The following RAPGEF5 variants were observed in gnomAD, a reference collection of about 807,000 sequenced individuals.
RAPGEF5 encodes Rap guanine nucleotide exchange factor 5.
In RAPGEF5, 65 loss-of-function variants were observed where a neutral mutation model predicts 125.2. The ratio of observed to expected loss-of-function variants is 0.52; its 90% CI spans 0.43 to 0.64. The LOEUF is 0.64. Among genes scored for constraint, RAPGEF5 ranks in the 30% least tolerant of loss-of-function variants. RAPGEF5 has a pLI of 0.00. For synonymous variants in RAPGEF5, 391 were observed against 385.9 expected (o/e 1.01, Z -0.16); for missense variants, 958 against 1,048.1 (o/e 0.91, Z 1.19).
intron 1 of RAPGEF5, among the ~76,000 whole-genome samples, chr7:22,346,132 G>A (rs897291266): frequency 1.3e-5 from 2 of 152,152 alleles, no homozygotes; most frequent in Non-Finnish European, 2.9e-5. Flanking sequence ...ACCTTGGCCA[G>A]ACAAGGAACA....
At chr7:22,145,827 G>A (rs1013760668) in intron 19 of RAPGEF5, among the ~76,000 whole-genome samples, 3 of 152,038 alleles carry the variant, frequency 2.0e-5, no homozygotes, top group African/African-American at 4.8e-5. Context: ...ATAAAACATT[G>A]TCAAACCATA....
chr7:22,147,977 A>T (rs535557961), intron 18 of RAPGEF5, among the ~76,000 whole-genome samples: 1 of 152,090 alleles, frequency 6.6e-6, no homozygotes, highest in Non-Finnish European at 1.5e-5. Flanking sequence ...TTTTTTTTAA[A>T]AAACCTAATG....
At chr7:22,258,619 C>T (rs797005714) in intron 7 of RAPGEF5, among the ~76,000 whole-genome samples, 4 of 112,456 alleles carry the variant, frequency 3.6e-5, no homozygotes, top group African/African-American at 1.5e-4. Context: ...AGCGAAACTC[C>T]GTCTCAAAAA....
intron 7 of RAPGEF5, among the ~76,000 whole-genome samples, chr7:22,242,866 G>C (rs1188325274): frequency 6.8e-6 from 1 of 147,708 alleles, no homozygotes; most frequent in Non-Finnish European, 1.5e-5. Flanking sequence ...AGAATCACTT[G>C]AATCCAGGAG....
rs139171381 is a variant in RAPGEF5 at position 22,122,072 on chromosome 7, C to A, written c.*334G>T. On this transcript the variant is annotated 3_prime_UTR_variant, in exon 26 of 26. Transcript: ENST00000665637. Reference sequence around the variant, plus strand: ...AATGAAATATTTGGTCATTGCATGTCAAGACGTTGTCTTGTCTTGATGCTG... The same window carrying A: ...AATGAAATATTTGGTCATTGCATGTAAAGACGTTGTCTTGTCTTGATGCTG... The A allele has an allele frequency of 7.3e-4, 176 of 241,690 alleles. No individual in the cohort carries two copies. The East Asian group carries it at 0.013, about 18-fold the overall frequency. The allele number at this position is 241,690 out of a possible 1,614,324, so 15.0% of individuals were successfully genotyped here.
intron 1 of RAPGEF5, among the ~76,000 whole-genome samples, chr7:22,328,374 C>G (rs1476805173): frequency 1.3e-5 from 2 of 152,242 alleles, no homozygotes; most frequent in Admixed American, 6.5e-5. Flanking sequence ...AAGAGCTAAA[C>G]TGGAACTATT....
chr7:22,129,426 GTGT>G, intron 24 of RAPGEF5, among the ~76,000 whole-genome samples: 1 of 152,258 alleles, frequency 6.6e-6, no homozygotes, highest in South Asian at 2.1e-4. Flanking sequence ...CAAATCTCAT[GTGT>G]TGTTCTTAGG....
chr7:22,144,900 T>A, intron 20 of RAPGEF5, 144 bp downstream of exon 20: 1 of 914,824 alleles, frequency 1.1e-6, no homozygotes, highest in African/African-American at 1.7e-5. Flanking sequence ...TATTCAAAAT[T>A]GGACATTTTC....
intron 9 of RAPGEF5, among the ~76,000 whole-genome samples, chr7:22,206,688 G>GA (rs1202149831): frequency 0.039 from 2,456 of 62,572 alleles, 48 homozygotes; most frequent in African/African-American, 0.12. Context: ...CATGTCACAA[G>GA]AAAAAAAAAA....
chr7:22,197,406 A>C (rs866607996), intron 9 of RAPGEF5, among the ~76,000 whole-genome samples: 4 of 152,238 alleles, frequency 2.6e-5, no homozygotes, highest in Admixed American at 6.5e-5. Context: ...AAGTAACACG[A>C]GTTCCAATGC....
chr7:22,211,260 C>T (rs1785501387), intron 9 of RAPGEF5, among the ~76,000 whole-genome samples: 1 of 152,182 alleles, frequency 6.6e-6, no homozygotes, highest in African/African-American at 2.4e-5. Flanking sequence ...CTTTAGCAAC[C>T]AAAGTATATG....
intron 7 of RAPGEF5, among the ~76,000 whole-genome samples, chr7:22,245,480 G>A (rs567429587): frequency 6.6e-6 from 1 of 151,904 alleles, no homozygotes; most frequent in South Asian, 2.1e-4. Flanking sequence ...TTTTTCATTT[G>A]TTTTTGTATA....
chr7:22,143,991 G>C (rs1783348397), intron 20 of RAPGEF5, among the ~76,000 whole-genome samples: 1 of 152,212 alleles, frequency 6.6e-6, no homozygotes. Context: ...AAAACTGTTT[G>C]ATATAAAAAC....
chr7:22,286,446 C>T (rs1012802717), intron 6 of RAPGEF5, among the ~76,000 whole-genome samples: 3 of 152,204 alleles, frequency 2.0e-5, no homozygotes, highest in Non-Finnish European at 4.4e-5. Flanking sequence ...AGATGTTTGT[C>T]TTTTCTATTT....
chr7:22,251,439 T>G (rs1255113393), intron 7 of RAPGEF5, among the ~76,000 whole-genome samples: 1 of 152,154 alleles, frequency 6.6e-6, no homozygotes, highest in African/African-American at 2.4e-5. Context: ...CTGGGTGGCA[T>G]GTATCACAGA....
intron 5 of RAPGEF5, 132 bp downstream of exon 5, chr7:22,308,207 G>T: frequency 2.3e-6 from 2 of 875,378 alleles, no homozygotes; most frequent in East Asian, 3.0e-5. Context: ...TTCTAAATGT[G>T]CATCTGAAAA....
chr7:22,316,489 ATTTT>A (rs1174593478), intron 2 of RAPGEF5, among the ~76,000 whole-genome samples: 1 of 50,642 alleles, frequency 2.0e-5, no homozygotes, highest in Non-Finnish European at 3.5e-5. Context: ...ATATATATAT[ATTTT>A]TTTTTTTTTT....
intron 1 of RAPGEF5, among the ~76,000 whole-genome samples, chr7:22,354,686 T>C (rs1784389919): frequency 6.6e-6 from 1 of 152,106 alleles, no homozygotes; most frequent in African/African-American, 2.4e-5. Flanking sequence ...ATGGGATTAG[T>C]GGCCTTATGA....
At chr7:22,165,334 T>A (rs1784129618) in intron 12 of RAPGEF5, among the ~76,000 whole-genome samples, 1 of 152,194 alleles carries the variant, frequency 6.6e-6, no homozygotes, top group Admixed American at 6.5e-5. Flanking sequence ...TTTAAAGGCA[T>A]CTCATTTGTT....
Sources: allele counts gnomAD v4.1 joint callset (sites outside exome capture counted in the v4.1 genomes callset), GRCh38; gene constraint gnomAD v4.1.1; transcripts MANE v1.5; gene names NCBI Gene and HGNC (gene_info 2026-07-23, HGNC 2026-07-21).